Variants in SLC9A9 observed in about 807,000 individuals in gnomAD.
SLC9A9 encodes solute carrier family 9 member A9.
A neutral mutation model predicts 77.8 loss-of-function variants in SLC9A9; 62 were observed. The observed-to-expected ratio is 0.80, with a 90% CI of 0.65 to 0.98. The LOEUF is 0.98. Among genes scored for constraint, SLC9A9 ranks in the 50% least tolerant of loss-of-function variants. The pLI is 0.00. For missense variants in SLC9A9, 775 were observed against 774.9 expected, an observed-to-expected ratio of 1.00 and a Z score of 0.00; for synonymous variants, 320 against 283.5, an observed-to-expected ratio of 1.13 and a Z score of -1.29.
At chr3:143,804,378 C>T (rs1213524438) in intron 2 of SLC9A9, among the ~76,000 whole-genome samples, 1 of 152,114 alleles carries the variant, frequency 6.6e-6, no homozygotes, top group East Asian at 1.9e-4. Context: ...AAAGGTTACT[C>T]GTAGACACTC....
intron 12 of SLC9A9, among the ~76,000 whole-genome samples, chr3:143,411,122 C>T (rs1054180148): frequency 1.3e-5 from 2 of 152,128 alleles, no homozygotes; most frequent in South Asian, 4.2e-4. Context: ...TTTATGTCTA[C>T]AGGTGTCATT....
intron 6 of SLC9A9, among the ~76,000 whole-genome samples, chr3:143,585,128 C>T (rs534961005): frequency 2.6e-5 from 4 of 152,264 alleles, no homozygotes; most frequent in African/African-American, 9.6e-5. Flanking sequence ...TTCACAGCTG[C>T]CACAAGATCT....
At chr3:143,667,361 T>C (rs975120070) in intron 5 of SLC9A9, among the ~76,000 whole-genome samples, 265 of 152,246 alleles carry the variant, frequency 1.7e-3, no homozygotes, top group Non-Finnish European at 3.0e-3. Context: ...AATGTTAGAC[T>C]TAAAACCATA....
chr3:143,303,978 C>G (rs17636497), intron 14 of SLC9A9, among the ~76,000 whole-genome samples: 1,942 of 152,332 alleles, frequency 0.013, 28 homozygotes, highest in Non-Finnish European at 0.016. Flanking sequence ...AAATACTCCA[C>G]TGGACATTTA....
At chr3:143,769,639 A>C (rs1480563706) in intron 4 of SLC9A9, among the ~76,000 whole-genome samples, 1 of 152,344 alleles carries the variant, frequency 6.6e-6, no homozygotes, top group South Asian at 2.1e-4. Context: ...TGTGAGCTAA[A>C]GAATAAAAAG....
chr3:143,424,271 C>T lies in SLC9A9; in HGVS notation c.1470-42157G>A, dbSNP rs932491696. On this transcript the variant is annotated intron_variant, in intron 12 of 15. Coordinates refer to ENST00000316549, the MANE Select transcript of SLC9A9 (RefSeq NM_173653.4). ...AAAAAAAGGACATTATACTTGAAAC[C>T]TTTTTTTTTTTTTGAGACAGAGTCT... Among the ~76,000 whole-genome samples, 832 of 144,286 alleles carry T rather than the reference C, an allele frequency of 5.8e-3. 3 individuals are homozygous for T. The highest frequency in any genetic ancestry group is 8.7e-3 in the Non-Finnish European group (575 of 66,326). The allele number at this position is 144,286 out of a possible 152,430, so 94.7% of individuals were successfully genotyped here.
At chr3:143,696,294 C>T (rs1933638112) in intron 4 of SLC9A9, among the ~76,000 whole-genome samples, 1 of 152,120 alleles carries the variant, frequency 6.6e-6, no homozygotes, top group African/African-American at 2.4e-5. Flanking sequence ...ATGTTTAAGT[C>T]TTTAATCCAT....
intron 13 of SLC9A9, among the ~76,000 whole-genome samples, chr3:143,367,273 T>G (rs1422232489): frequency 6.6e-6 from 1 of 152,200 alleles, no homozygotes; most frequent in African/African-American, 2.4e-5. Flanking sequence ...TGTGGGTGAC[T>G]GGAGATGTTA....
At chr3:143,417,858 A>G (rs1454066048) in intron 12 of SLC9A9, among the ~76,000 whole-genome samples, 1 of 151,962 alleles carries the variant, frequency 6.6e-6, no homozygotes, top group African/African-American at 2.4e-5. Flanking sequence ...ATGGAAGAGC[A>G]TCCTTCAAGG....
At chr3:143,485,600 C>T (rs2035641788) in intron 11 of SLC9A9, among the ~76,000 whole-genome samples, 1 of 151,944 alleles carries the variant, frequency 6.6e-6, no homozygotes, top group Non-Finnish European at 1.5e-5. Context: ...AACAAACAAA[C>T]AAACAAAAAC....
intron 5 of SLC9A9, among the ~76,000 whole-genome samples, chr3:143,692,668 T>A (rs1386705923): frequency 6.6e-6 from 1 of 152,164 alleles, no homozygotes; most frequent in African/African-American, 2.4e-5. Context: ...ATATATTCAC[T>A]GGAGAGAAAT....
chr3:143,708,709 G>T (rs1360111577), intron 4 of SLC9A9, among the ~76,000 whole-genome samples: 1 of 152,092 alleles, frequency 6.6e-6, no homozygotes, highest in Non-Finnish European at 1.5e-5. Context: ...ACTAATTTGA[G>T]AGACAACACA....
intron 1 of SLC9A9, among the ~76,000 whole-genome samples, chr3:143,846,730 GGTT>G (rs1181614724): frequency 1.5e-4 from 2 of 13,106 alleles, no homozygotes. Flanking sequence ...AGCAAAAAAA[GGTT>G]TTTTTTTTTT....
intron 5 of SLC9A9, among the ~76,000 whole-genome samples, chr3:143,656,313 T>C (rs1366527549): frequency 1.3e-5 from 2 of 152,134 alleles, no homozygotes; most frequent in South Asian, 2.1e-4. Context: ...TACAACTCTA[T>C]TATAGCATCA....
At chr3:143,795,166 AC>A in intron 3 of SLC9A9, 89 bp from the exon 4 acceptor site, 1 of 1,247,464 alleles carries the variant, frequency 8.0e-7, no homozygotes, top group Admixed American at 2.0e-5. Context: ...CAGTTCACAG[AC>A]CCCTCACTGT....
At chr3:143,390,539 G>A (rs1266570363) in intron 12 of SLC9A9, among the ~76,000 whole-genome samples, 1 of 152,210 alleles carries the variant, frequency 6.6e-6, no homozygotes, top group Non-Finnish European at 1.5e-5. Context: ...CAGAAGACAA[G>A]TGATTTCTGC....
At chr3:143,381,109 C>T (rs1278142107) in intron 13 of SLC9A9, among the ~76,000 whole-genome samples, 1 of 152,186 alleles carries the variant, frequency 6.6e-6, no homozygotes, top group Non-Finnish European at 1.5e-5. Context: ...TTGATAGATT[C>T]TACTTTGACG....
chr3:143,704,808 C>T (rs1296923593), intron 4 of SLC9A9, among the ~76,000 whole-genome samples: 1 of 152,000 alleles, frequency 6.6e-6, no homozygotes, highest in East Asian at 1.9e-4. Context: ...GCCTGACCAA[C>T]ATGGAGAAAC....
intron 4 of SLC9A9, among the ~76,000 whole-genome samples, chr3:143,738,113 T>C (rs1934990094): frequency 6.6e-6 from 1 of 152,212 alleles, no homozygotes; most frequent in Admixed American, 6.6e-5. Context: ...ATGCAATTTA[T>C]ATTTTGCCAT....
Sources: gnomAD v4.1 joint callset for allele counts (sites outside exome capture counted in the v4.1 genomes callset) on GRCh38, gnomAD v4.1.1 for gene constraint, MANE v1.5 for transcripts, NCBI Gene and HGNC (gene_info 2026-07-23, HGNC 2026-07-21) for gene names.